The following PTCD3 variants were observed in gnomAD, a reference collection of about 807,000 sequenced individuals.
PTCD3 encodes small ribosomal subunit protein mS39.
Under a neutral mutation model 101.9 loss-of-function variants are expected in PTCD3, and 89 were observed. The ratio of observed to expected loss-of-function variants is 0.87; its 90% CI spans 0.74 to 1.04. The LOEUF (loss-of-function observed/expected upper bound fraction) is 1.04, where lower values mean the gene tolerates loss of function less well. Ranked by LOEUF, PTCD3 falls within the 50% of genes least tolerant of loss-of-function variation. The pLI is 0.00. For synonymous variants in PTCD3, 296 were observed against 278.5 expected (o/e 1.06, Z -0.63); for missense variants, 870 against 828.2 (o/e 1.05, Z -0.62).
rs1674650173 is a variant in PTCD3 at position 86,139,657 on chromosome 2, G to T, written c.*2098G>T. The T allele has an allele frequency of 6.6e-6, 1 of 152,188 alleles. No homozygotes were observed. Among genetic ancestry groups the T allele is most frequent in the Non-Finnish European group, 1.5e-5 (1 of 68,084 alleles). 9.4% of individuals were successfully genotyped at this position (152,188 alleles called of 1,614,324 possible). A position where few individuals can be genotyped will look rare whatever the true frequency, so the allele number is the denominator to read the frequency against. On this transcript the variant is annotated 3_prime_UTR_variant, in exon 24 of 24. Coordinates refer to ENST00000254630, the MANE Select transcript of PTCD3 (RefSeq NM_017952.6). ...TCCCTACAAAAGATTTTAATAATTA[G>T]TTGGGCGTAGTGGTGCATGCCTGTA...
rs1407484420 is a variant in PTCD3, at chr2:86,124,994, G to A, written c.717-1G>A. ...GTTCACATTTACTCTCTTGTGTCTA[G>A]AGCAAAAAACAACGCTGAGAGAATC... On this transcript the variant is annotated splice_acceptor_variant, in intron 9 of 23. Transcript: ENST00000254630. LOFTEE classifies it high-confidence loss of function. 2 of 1,613,602 alleles carry A rather than the reference G, an allele frequency of 1.2e-6. No homozygotes were observed. The highest frequency in any genetic ancestry group is 1.7e-6 in the Non-Finnish European group (2 of 1,179,960).
In PTCD3 at chr2:86,106,338, G is replaced by A. The variant is rs1246107308; in HGVS notation, c.91G>A (p.Ala31Thr). 6.2e-7 allele frequency: 1 copy of A among 1,613,964 alleles called. No homozygotes were observed. Among genetic ancestry groups the A allele is most frequent in the Non-Finnish European group, 8.5e-7 (1 of 1,179,936 alleles). ...TGRRAGLCEQ[A>T]RSCRFYSGSA... Reference sequence around the variant, plus strand: ...TCGGCGGGCGGGTTTGTGTGAACAGGCACGCAGCTGCAGGTAAGAGACGCT... The same window carrying A: ...TCGGCGGGCGGGTTTGTGTGAACAGACACGCAGCTGCAGGTAAGAGACGCT... Residue 31 changes from alanine to threonine, a missense_variant, in exon 1 of 24, where the codon GCA becomes ACA. Ala to Thr is a moderately conservative substitution (Grantham distance 58, BLOSUM62 0). Coordinates refer to ENST00000254630, the MANE Select transcript of PTCD3 (RefSeq NM_017952.6).
chr2:86,140,043 G>A lies in PTCD3; in HGVS notation c.*2484G>A, dbSNP rs1262656835. ...CATGTCTAGAATCAAACTCAAATCT[G>A]GCACGTAGGTGCTTCTTAGTAAATG... On this transcript the variant is annotated 3_prime_UTR_variant, in exon 24 of 24. Transcript: ENST00000254630. 1.3e-5 allele frequency: 2 copies of A among 152,136 alleles called. No homozygotes were observed. The highest frequency in any genetic ancestry group is 4.8e-5 in the African/African-American group (2 of 41,426). 9.4% of individuals were successfully genotyped at this position (152,136 alleles called of 1,614,324 possible).
intron 1 of PTCD3, 115 bp from the exon 2 acceptor site, chr2:86,108,235 T>C: frequency 3.4e-6 from 4 of 1,163,198 alleles, no homozygotes; most frequent in Non-Finnish European, 4.9e-6. Context: ...TTGACATGAG[T>C]TATCCAGTTT....
At chr2:86,128,249 G>A (rs1241221174) in intron 14 of PTCD3, among the ~76,000 whole-genome samples, 1 of 149,404 alleles carries the variant, frequency 6.7e-6, no homozygotes, top group African/African-American at 2.5e-5. Flanking sequence ...ATGCCCACCA[G>A]CATGCCTAGC....
chr2:86,108,291 G>T (rs1674002234), intron 1 of PTCD3, 59 bp from the exon 2 acceptor site: 1 of 1,556,014 alleles, frequency 6.4e-7, no homozygotes, highest in African/African-American at 1.4e-5. Flanking sequence ...CACATAGGTG[G>T]AGGTGAGCTG....
intron 4 of PTCD3, among the ~76,000 whole-genome samples, chr2:86,116,135 A>G (rs575624971): frequency 7.9e-5 from 12 of 152,284 alleles, no homozygotes; most frequent in Admixed American, 2.6e-4. Context: ...CTATATATAC[A>G]TGTATATATG....
chr2:86,125,417 TA>T, intron 10 of PTCD3, 37 bp from the exon 11 acceptor site: 1 of 1,579,810 alleles, frequency 6.3e-7, no homozygotes, highest in Non-Finnish European at 8.7e-7. Context: ...ACTTCTTAAG[TA>T]AATGAATTTG....
At chr2:86,135,188 C>T (rs1674565006) in intron 21 of PTCD3, 1 of 471,532 alleles carries the variant, frequency 2.1e-6, no homozygotes, top group African/African-American at 1.9e-5. Context: ...TTCTCTCAAA[C>T]CATACGCTGA....
chr2:86,107,280 CTG>C, intron 1 of PTCD3: 1 of 467,508 alleles, frequency 2.1e-6, no homozygotes, highest in South Asian at 1.6e-5. Flanking sequence ...CTCAAAATAA[CTG>C]TGATCTCTGT....
At chr2:86,136,027 A>G (rs1266690476) in intron 21 of PTCD3, 1 of 519,052 alleles carries the variant, frequency 1.9e-6, no homozygotes, top group African/African-American at 1.9e-5. Context: ...CAGAATTCTA[A>G]GACAGACTGA....
At chr2:86,126,682 C>T (rs1410134212) in intron 12 of PTCD3, among the ~76,000 whole-genome samples, 1 of 151,922 alleles carries the variant, frequency 6.6e-6, no homozygotes, top group African/African-American at 2.4e-5. Flanking sequence ...TACAAAAATA[C>T]AAAAATTAGC....
chr2:86,124,716 T>G (rs1481158804), intron 9 of PTCD3, among the ~76,000 whole-genome samples: 2 of 152,248 alleles, frequency 1.3e-5, no homozygotes. Flanking sequence ...CTTCTTGTTT[T>G]TAATAGCACA....
At position 86,116,569 on chromosome 2, in the gene PTCD3, T is replaced by C. The variant is rs1674182149; in HGVS notation, c.280T>C (p.Tyr94His). 1.2e-6 allele frequency: 2 copies of C among 1,610,518 alleles called. No homozygotes were observed. The highest frequency in any genetic ancestry group is 1.7e-6 in the Non-Finnish European group (2 of 1,176,852). Residue 94 changes from tyrosine to histidine, a missense_variant, in exon 5 of 24, where the codon TAC becomes CAC. By Grantham distance (83) the Tyr-to-His change is moderately conservative. Transcript: ENST00000254630. The part of the protein sequence containing the change: ...AVPYVFQDDP[Y>H]LMPASSLESR... ...GCCTTATGTGTTTCAAGATGATCCT[T>C]ACCTTATGCCAGCATCATCTTTGGA... is the stretch of plus-strand genomic sequence containing the variant.
chr2:86,117,739 G>A (rs1346686599), intron 6 of PTCD3, among the ~76,000 whole-genome samples: 1 of 151,932 alleles, frequency 6.6e-6, no homozygotes. Flanking sequence ...GGGATTGCAG[G>A]TGTAAGCCAC....
Position 86,134,291 on chromosome 2 carries a change from G to A in PTCD3, c.1544-1G>A. The A allele has an allele frequency of 6.2e-7, 1 of 1,602,834 alleles. No individual in the cohort carries two copies. Among genetic ancestry groups the A allele is most frequent in the East Asian group, 2.2e-5 (1 of 44,816 alleles). On this transcript the variant is annotated splice_acceptor_variant, in intron 19 of 23. Coordinates refer to ENST00000254630, the MANE Select transcript of PTCD3 (RefSeq NM_017952.6). LOFTEE classifies it high-confidence loss of function. ...ACTCCTTGTTCCTTTCTTGTTTCAA[G>A]ATAGTAAAGAATATGGTCATACTTT...
At position 86,106,316 on chromosome 2, in the gene PTCD3, G is replaced by C; in HGVS notation, c.69G>C (p.Arg23=). The part of the protein sequence containing the change: ...RSRLGQPLTG[R]RAGLCEQARS... ...GGCTTGGCCAGCCGCTGACGGGTCG[G>C]CGGGCGGGTTTGTGTGAACAGGCAC... Residue 23 remains arginine, a synonymous_variant, in exon 1 of 24, where the codon CGG becomes CGC. Coordinates refer to ENST00000254630, the MANE Select transcript of PTCD3 (RefSeq NM_017952.6). 6.2e-7 allele frequency: 1 copy of C among 1,614,114 alleles called. No homozygotes were observed. Among genetic ancestry groups the C allele is most frequent in the Non-Finnish European group, 8.5e-7 (1 of 1,180,008 alleles).
In PTCD3 at chr2:86,111,030, A is replaced by G; in HGVS notation, c.195-83A>G. ...TGAGATCTGCACTATGTTATTGGCC[A>G]GTACACTGAGAGTAGAATCACTTGT... On this transcript the variant is annotated intron_variant, in intron 3 of 23. Transcript: ENST00000254630. The G allele has an allele frequency of 4.1e-6, 5 of 1,229,318 alleles. No homozygotes were observed. In the South Asian group the frequency reaches 6.0e-5, roughly 15 times the overall value. The allele number at this position is 1,229,318 out of a possible 1,614,324, so 76.2% of individuals were successfully genotyped here.
At chr2:86,134,083 C>T (rs567713890) in intron 19 of PTCD3, among the ~76,000 whole-genome samples, 3 of 152,252 alleles carry the variant, frequency 2.0e-5, no homozygotes, top group South Asian at 2.1e-4. Flanking sequence ...GTGCACATGC[C>T]GTGATGAACA....
Sources: gnomAD v4.1 joint callset for allele counts (sites outside exome capture counted in the v4.1 genomes callset) on GRCh38, gnomAD v4.1.1 for gene constraint, MANE v1.5 for transcripts, NCBI Gene and HGNC (gene_info 2026-07-23, HGNC 2026-07-21) for gene names.